TRIM9: variants seen among roughly 807,000 people sequenced by gnomAD.
The protein encoded by TRIM9 is tripartite motif containing 9, also known as E3 ubiquitin-protein ligase TRIM9.
TRIM9 carries 26 observed loss-of-function variants against 78.3 expected under a neutral mutation model. That is an observed-to-expected ratio of 0.33 (90% confidence interval 0.24 to 0.46). TRIM9 has a LOEUF of 0.46. TRIM9 is among the 20% of genes least tolerant of loss of function. TRIM9 has a pLI of 1.00. For missense variants in TRIM9, 787 were observed against 1,036.4 expected, an observed-to-expected ratio of 0.76 and a Z score of 3.30; for synonymous variants, 398 against 416.5, an observed-to-expected ratio of 0.96 and a Z score of 0.54.
chr14:50,986,194 C>T (rs1243119844), intron 7 of TRIM9, 50 bp from the exon 8 acceptor site: 3 of 1,379,464 alleles, frequency 2.2e-6, no homozygotes, highest in African/African-American at 2.9e-5. Flanking sequence ...GCTATTATGT[C>T]CCCGTGCACG....
intron 5 of TRIM9, among the ~76,000 whole-genome samples, chr14:51,005,142 C>T (rs1456531829): frequency 6.6e-6 from 1 of 152,180 alleles, no homozygotes; most frequent in African/African-American, 2.4e-5. Flanking sequence ...TGAGTCCATG[C>T]ATTTCAGGCT....
chr14:50,978,789 C>A, intron 12 of TRIM9: 20 of 551,568 alleles, frequency 3.6e-5, no homozygotes, highest in South Asian at 8.1e-5. Flanking sequence ...ACTGATGTAT[C>A]CCAGACACTT....
chr14:51,070,399 C>A (rs1433013069), intron 1 of TRIM9, among the ~76,000 whole-genome samples: 1 of 152,116 alleles, frequency 6.6e-6, no homozygotes, highest in South Asian at 2.1e-4. Context: ...CCTCTATTTC[C>A]CCTAGGAGCA....
At chr14:50,981,771 G>A in intron 11 of TRIM9, 29 bp downstream of exon 11, 1 of 1,611,832 alleles carries the variant, frequency 6.2e-7, no homozygotes, top group Non-Finnish European at 8.5e-7. Context: ...CCAACGTGAA[G>A]AAGGCTTGGT....
intron 1 of TRIM9, among the ~76,000 whole-genome samples, chr14:51,027,107 G>A (rs888529884): frequency 6.7e-6 from 1 of 148,898 alleles, no homozygotes; most frequent in African/African-American, 2.5e-5. Flanking sequence ...TGCATGATGC[G>A]TGCTTAATAA....
intron 5 of TRIM9, among the ~76,000 whole-genome samples, chr14:51,002,247 G>A (rs149319343): frequency 0.014 from 2,072 of 151,744 alleles, 52 homozygotes; most frequent in African/African-American, 0.048. Flanking sequence ...TCAGCCTCCC[G>A]AGTAGCTGGG....
chr14:51,033,335 C>T (rs552019553), intron 1 of TRIM9, among the ~76,000 whole-genome samples: 258 of 152,348 alleles, frequency 1.7e-3, no homozygotes, highest in African/African-American at 6.0e-3. Flanking sequence ...TTGTGATCTA[C>T]CTGCCTCGGC....
At chr14:51,047,093 C>T (rs1198311338) in intron 1 of TRIM9, among the ~76,000 whole-genome samples, 4 of 152,126 alleles carry the variant, frequency 2.6e-5, no homozygotes, top group African/African-American at 9.7e-5. Context: ...TTCTCAAGTC[C>T]TGTGACGGTA....
intron 1 of TRIM9, among the ~76,000 whole-genome samples, chr14:51,045,665 T>C (rs777934624): frequency 6.6e-6 from 1 of 152,228 alleles, no homozygotes; most frequent in Non-Finnish European, 1.5e-5. Flanking sequence ...AATACCTTCA[T>C]TAAAAGTGAG....
chr14:50,988,456 G>A (rs1278718302), intron 7 of TRIM9: 2 of 152,048 alleles, frequency 1.3e-5, no homozygotes, highest in African/African-American at 2.4e-5. Flanking sequence ...CATTAAGATG[G>A]TTATGGCTCT....
intron 1 of TRIM9, chr14:51,090,507 A>G (rs2064202432): frequency 6.6e-6 from 1 of 152,252 alleles, no homozygotes; most frequent in Admixed American, 6.5e-5. Flanking sequence ...AAGATTAAGA[A>G]TGAATAGTGT....
chr14:51,027,132 C>CT (rs566767264), intron 1 of TRIM9, among the ~76,000 whole-genome samples: 23 of 85,770 alleles, frequency 2.7e-4, no homozygotes, highest in Admixed American at 4.8e-4. Context: ...TGGCTGTTAA[C>CT]TTTTTTTTTT....
intron 3 of TRIM9, among the ~76,000 whole-genome samples, chr14:51,014,704 G>A (rs965733356): frequency 2.0e-5 from 3 of 152,026 alleles, no homozygotes; most frequent in Non-Finnish European, 4.4e-5. Flanking sequence ...TTCAACTTGC[G>A]TTACTCATAC....
At chr14:51,077,386 G>GTTT (rs146912763) in intron 1 of TRIM9, among the ~76,000 whole-genome samples, 6,347 of 97,248 alleles carry the variant, frequency 0.065, 730 homozygotes, top group East Asian at 0.16. Flanking sequence ...CTCCAATTCT[G>GTTT]TTTTTTTTTT....
At chr14:51,021,419 A>T (rs2057749705) in intron 3 of TRIM9, among the ~76,000 whole-genome samples, 1 of 152,150 alleles carries the variant, frequency 6.6e-6, no homozygotes, top group African/African-American at 2.4e-5. Flanking sequence ...TGCCCTGTCA[A>T]ACTTCTATGA....
chr14:51,066,965 T>C (rs2061798057), intron 1 of TRIM9, among the ~76,000 whole-genome samples: 2 of 152,356 alleles, frequency 1.3e-5, no homozygotes, highest in African/African-American at 2.4e-5. Context: ...GACTCATGTA[T>C]GGAGGCGTCC....
chr14:51,017,158 A>G (rs1410080725), intron 3 of TRIM9, among the ~76,000 whole-genome samples: 1 of 152,218 alleles, frequency 6.6e-6, no homozygotes, highest in Non-Finnish European at 1.5e-5. Context: ...TACAGCATTT[A>G]ACTTAAAAAA....
chr14:50,987,718 A>C (rs761284325), intron 7 of TRIM9, among the ~76,000 whole-genome samples: 6 of 152,074 alleles, frequency 3.9e-5, no homozygotes, highest in Non-Finnish European at 7.4e-5. Flanking sequence ...AGCACCACAA[A>C]CTGGCATGGG....
chr14:51,084,195 T>C (rs1322706000), intron 1 of TRIM9, among the ~76,000 whole-genome samples: 1 of 152,132 alleles, frequency 6.6e-6, no homozygotes, highest in African/African-American at 2.4e-5. Flanking sequence ...ATATATTTAG[T>C]GACCAGAGCA....
Sources: allele counts gnomAD v4.1 joint callset (sites outside exome capture counted in the v4.1 genomes callset), GRCh38; gene constraint gnomAD v4.1.1; transcripts MANE v1.5; gene names NCBI Gene and HGNC (gene_info 2026-07-23, HGNC 2026-07-21).